F8: variants seen among roughly 807,000 people sequenced by gnomAD.
F8 encodes coagulation factor VIII.
A neutral mutation model predicts 140.6 loss-of-function variants in F8; 12 were observed. The ratio of observed to expected loss-of-function variants is 0.09; its 90% CI spans 0.05 to 0.14. The LOEUF (loss-of-function observed/expected upper bound fraction) is 0.14, where lower values mean the gene tolerates loss of function less well. F8 is among the 10% of genes least tolerant of loss of function. F8 has a pLI of 1.00. For synonymous variants in F8, 585 were observed against 614.6 expected (o/e 0.95, Z 0.71); for missense variants, 1,354 against 1,720.7 (o/e 0.79, Z 3.77).
At chrX:154,877,562 C>G (rs1299577855) in intron 22 of F8, among the ~76,000 whole-genome samples, 5 of 110,696 alleles carry the variant, frequency 4.5e-5, no homozygotes, top group East Asian at 5.6e-4. Context: ...GCGCCATCTC[C>G]GCTCACTGCA....
intron 25 of F8, among the ~76,000 whole-genome samples, chrX:154,849,265 C>T (rs113582497): frequency 0.011 from 1,241 of 110,621 alleles, 6 homozygotes; most frequent in Middle Eastern, 0.023. Context: ...TGTGAGCCAC[C>T]GCGTCCAGCC....
intron 1 of F8, among the ~76,000 whole-genome samples, chrX:155,002,759 T>C (rs1413160255): frequency 8.9e-6 from 1 of 111,743 alleles, no homozygotes; most frequent in Non-Finnish European, 1.9e-5. Context: ...GATCATATGG[T>C]AATTCTGTTT....
chrX:154,878,577 G>A (rs1285456824), intron 22 of F8, among the ~76,000 whole-genome samples: 3 of 111,020 alleles, frequency 2.7e-5, no homozygotes, highest in Non-Finnish European at 5.7e-5. Context: ...CATTAGAAAC[G>A]AGACAAGAAT....
At chrX:154,903,771 A>G in intron 18 of F8, 135 bp downstream of exon 18, 1 of 524,066 alleles carries the variant, frequency 1.9e-6, no homozygotes. Flanking sequence ...TTTAAAAAGC[A>G]TTTGAAAAAG....
At chrX:155,011,405 CAA>C (rs2073705758) in intron 1 of F8, among the ~76,000 whole-genome samples, 1 of 112,254 alleles carries the variant, frequency 8.9e-6, no homozygotes, top group Non-Finnish European at 1.9e-5. Flanking sequence ...CAGACAGTAA[CAA>C]GTGTTGATAA....
chrX:154,844,148 A>G (rs2072544828), intron 25 of F8, among the ~76,000 whole-genome samples: 1 of 111,172 alleles, frequency 9.0e-6, no homozygotes, highest in Non-Finnish European at 1.9e-5. Context: ...CCATTGGTCT[A>G]TATCTCTGTT....
chrX:154,985,850 T>C (rs1557284159), intron 5 of F8, among the ~76,000 whole-genome samples: 1 of 112,185 alleles, frequency 8.9e-6, no homozygotes, highest in African/African-American at 3.2e-5. Context: ...ATAATAAAGA[T>C]GAGAGTAGGG....
At chrX:154,958,623 AT>A (rs1473078696) in intron 10 of F8, among the ~76,000 whole-genome samples, 1 of 111,047 alleles carries the variant, frequency 9.0e-6, no homozygotes, top group Admixed American at 9.6e-5. Context: ...AGGGGAAGGA[AT>A]TTTTTTTGAG....
chrX:154,960,885 C>T (rs1428927109), intron 10 of F8, among the ~76,000 whole-genome samples, 190 bp downstream of exon 10: 1 of 111,812 alleles, frequency 8.9e-6, no homozygotes, highest in African/African-American at 3.2e-5. Flanking sequence ...ACATGTCAGG[C>T]GACTCTTCAC....
At chrX:154,975,210 T>C (rs2124117188) in intron 6 of F8, among the ~76,000 whole-genome samples, 1 of 111,869 alleles carries the variant, frequency 8.9e-6, no homozygotes, top group East Asian at 2.8e-4. Context: ...TGTAGGCATT[T>C]ATTGCTATAA....
chrX:154,848,185 A>G (rs2072585241), intron 25 of F8, among the ~76,000 whole-genome samples: 2 of 112,782 alleles, frequency 1.8e-5, no homozygotes, highest in Non-Finnish European at 1.9e-5. Context: ...GTGAGGTGTC[A>G]GTCTGCCCCT....
chrX:154,969,623 A>T (rs1437547385), intron 6 of F8, 71 bp from the exon 7 acceptor site: 1 of 943,880 alleles, frequency 1.1e-6, no homozygotes, highest in Non-Finnish European at 1.5e-6. Context: ...TTGCTAGGAC[A>T]GAATGGACAA....
chrX:154,898,871 T>G (rs782507485), intron 21 of F8, among the ~76,000 whole-genome samples: 2 of 111,655 alleles, frequency 1.8e-5, no homozygotes, highest in Admixed American at 9.5e-5. Flanking sequence ...CAGGGTTCAT[T>G]GGCTAGGCAC....
rs1398914438 is a variant in F8 at position 154,835,992 on chromosome X, A to G, written c.*1605T>C. On this transcript the variant is annotated 3_prime_UTR_variant, in exon 26 of 26. Transcript: ENST00000360256. ...GTTAACTCCTCTACCGGGCTATAAA[A>G]CAAAACAACTTATTCATTTCTGTAA... The G allele has an allele frequency of 8.9e-6, 1 of 112,346 alleles. No homozygotes were observed. Among genetic ancestry groups the G allele is most frequent in the Non-Finnish European group, 1.9e-5 (1 of 53,294 alleles). The allele number at this position is 112,346 out of a possible 1,213,427, so 9.3% of individuals were successfully genotyped here. A position where few individuals can be genotyped will look rare whatever the true frequency, so the allele number is the denominator to read the frequency against.
At chrX:154,933,478 C>T (rs1278400069) in intron 13 of F8, among the ~76,000 whole-genome samples, 1 of 111,752 alleles carries the variant, frequency 8.9e-6, no homozygotes, top group Non-Finnish European at 1.9e-5. Context: ...AGCTATTATC[C>T]GATCTTGGAA....
intron 1 of F8, among the ~76,000 whole-genome samples, chrX:155,009,054 A>C (rs1339356183): frequency 1.8e-5 from 2 of 109,721 alleles, no homozygotes; most frequent in Non-Finnish European, 3.8e-5. Flanking sequence ...CAGAGTCTAC[A>C]TCTAGGGAAC....
intron 22 of F8, among the ~76,000 whole-genome samples, chrX:154,879,841 G>A (rs1325485996): frequency 9.0e-6 from 1 of 111,134 alleles, no homozygotes; most frequent in Non-Finnish European, 1.9e-5. Context: ...TGACATTTCC[G>A]TCCTTCACTC....
chrX:154,973,759 G>A (rs189724568), intron 6 of F8, among the ~76,000 whole-genome samples: 69 of 111,780 alleles, frequency 6.2e-4, no homozygotes, highest in African/African-American at 2.2e-3. Flanking sequence ...CTATATATAA[G>A]ATCATGTCTT....
At chrX:155,017,914 C>G (rs1224782348) in intron 1 of F8, among the ~76,000 whole-genome samples, 1 of 111,308 alleles carries the variant, frequency 9.0e-6, no homozygotes, top group Non-Finnish European at 1.9e-5. Flanking sequence ...CACTCTGTCA[C>G]CTAGGCTGAG....
Sources: gnomAD v4.1 joint callset for allele counts (sites outside exome capture counted in the v4.1 genomes callset) on GRCh38, gnomAD v4.1.1 for gene constraint, MANE v1.5 for transcripts, NCBI Gene and HGNC (gene_info 2026-07-23, HGNC 2026-07-21) for gene names.